The following PCDH17 variants were observed in gnomAD, a reference collection of about 807,000 sequenced individuals.
PCDH17 encodes protocadherin 17.
Under a neutral mutation model 67.7 loss-of-function variants are expected in PCDH17, and 21 were observed. That is an observed-to-expected ratio of 0.31 (90% CI 0.22 to 0.45). The LOEUF is 0.45. Among genes scored for constraint, PCDH17 ranks in the 20% least tolerant of loss-of-function variants. The pLI is 1.00. For missense variants in PCDH17, 1,471 were observed against 1,564.8 expected (o/e 0.94, Z 1.01); for synonymous variants, 701 against 656.7 (o/e 1.07, Z -1.03).
At chr13:57,668,165 A>G (rs1407298386) in intron 3 of PCDH17, among the ~76,000 whole-genome samples, 1 of 151,942 alleles carries the variant, frequency 6.6e-6, no homozygotes, top group East Asian at 1.9e-4. Flanking sequence ...TGTTTACTTG[A>G]CGTGACTTAA....
intron 1 of PCDH17, among the ~76,000 whole-genome samples, chr13:57,651,402 C>T (rs1955036728): frequency 6.8e-6 from 1 of 147,336 alleles, no homozygotes; most frequent in African/African-American, 2.5e-5. Flanking sequence ...CACTTTGTCA[C>T]CCTGGCAGGA....
At chr13:57,689,723 A>G (rs75719552) in intron 3 of PCDH17, among the ~76,000 whole-genome samples, 2 of 152,092 alleles carry the variant, frequency 1.3e-5, no homozygotes, top group East Asian at 3.9e-4. Context: ...TTAGCATTAT[A>G]TTATAAGCAA....
intron 3 of PCDH17, among the ~76,000 whole-genome samples, chr13:57,717,557 A>C (rs1256051833): frequency 6.6e-6 from 1 of 151,958 alleles, no homozygotes; most frequent in Non-Finnish European, 1.5e-5. Context: ...AAACAGCTCC[A>C]AATACCCAGC....
chr13:57,673,407 T>C (rs1955349057), intron 3 of PCDH17, among the ~76,000 whole-genome samples: 1 of 151,990 alleles, frequency 6.6e-6, no homozygotes, highest in Non-Finnish European at 1.5e-5. Context: ...GCTTTTAATA[T>C]TTAACCTAAC....
intron 1 of PCDH17, among the ~76,000 whole-genome samples, chr13:57,661,838 T>A (rs1333148618): frequency 6.6e-6 from 1 of 152,142 alleles, no homozygotes; most frequent in African/African-American, 2.4e-5. Flanking sequence ...GCAGTCTTCA[T>A]TAGTGTGGCT....
chr13:57,697,485 T>G (rs138015194), intron 3 of PCDH17, among the ~76,000 whole-genome samples: 226 of 151,754 alleles, frequency 1.5e-3, no homozygotes, highest in African/African-American at 5.2e-3. Flanking sequence ...TAAATGATGT[T>G]AAGAAGCCAA....
chr13:57,633,070 A>G lies in PCDH17; in HGVS notation c.524A>G (p.Asp175Gly). Residue 175 changes from aspartate (D) to glycine (G), a missense_variant, in exon 1 of 4, where the codon GAT becomes GGT. Asp to Gly is a moderately conservative substitution (Grantham distance 94, BLOSUM62 -1). Around this residue, in one of 3 missense-constraint regions of PCDH17, gnomAD observed 1,163 missense variants for 1,230.0 expected, o/e 0.95. Transcript: ENST00000377918. This position sits in a 1 kb window ranked among gnomAD's most constrained non-coding sequence, Gnocchi z 6.2. ...CGCACCTACCTGCTCACGCGCGACGATCACGGCCTCTTTGGACTGGACGTT... is the reference window on the plus strand; with the variant it reads ...CGCACCTACCTGCTCACGCGCGACGGTCACGGCCTCTTTGGACTGGACGTT... ...GLRTYLLTRD[D>G]HGLFGLDVKS... 1 of 1,613,370 alleles carries G rather than the reference A, an allele frequency of 6.2e-7. No homozygotes were observed. Among genetic ancestry groups the G allele is most frequent in the Non-Finnish European group, 8.5e-7 (1 of 1,179,982 alleles).
At chr13:57,675,667 A>G (rs574102417) in intron 3 of PCDH17, among the ~76,000 whole-genome samples, 5 of 152,084 alleles carry the variant, frequency 3.3e-5, no homozygotes, top group Middle Eastern at 6.8e-3. Flanking sequence ...GAACCAGTGT[A>G]TGGCAAGTTG....
At chr13:57,691,432 T>A (rs953494301) in intron 3 of PCDH17, among the ~76,000 whole-genome samples, 8 of 151,306 alleles carry the variant, frequency 5.3e-5, no homozygotes, top group East Asian at 3.9e-4. Context: ...TAATTTTTTT[T>A]AAATGATGGG....
upstream of PCDH17, among the ~76,000 whole-genome samples, chr13:57,630,690 C>T (rs1417508216): frequency 6.6e-6 from 1 of 152,232 alleles, no homozygotes; most frequent in Non-Finnish European, 1.5e-5. Flanking sequence ...ACCTTCTTCC[C>T]TCCATCCTTT....
chr13:57,677,534 A>C (rs1566232174), intron 3 of PCDH17, among the ~76,000 whole-genome samples: 4 of 151,888 alleles, frequency 2.6e-5, no homozygotes, highest in Admixed American at 2.0e-4. Flanking sequence ...TGATGTATTC[A>C]GAGGAGAATG....
At chr13:57,706,572 G>T (rs1025813572) in intron 3 of PCDH17, among the ~76,000 whole-genome samples, 2 of 152,092 alleles carry the variant, frequency 1.3e-5, no homozygotes, top group African/African-American at 4.8e-5. Flanking sequence ...CAAAATCAAG[G>T]TTTAGCAGAG....
At chr13:57,631,158 G>T (rs1006385580), upstream of PCDH17, among the ~76,000 whole-genome samples, 1 of 151,968 alleles carries the variant, frequency 6.6e-6, no homozygotes, top group African/African-American at 2.4e-5. Flanking sequence ...AAAAAAACAC[G>T]TACTTTATTT....
chr13:57,717,130 T>C (rs1400246218), intron 3 of PCDH17, among the ~76,000 whole-genome samples: 2 of 151,936 alleles, frequency 1.3e-5, no homozygotes, highest in African/African-American at 4.8e-5. Flanking sequence ...AAAAAGATGG[T>C]TCCATTTAGC....
At chr13:57,657,186 G>T (rs767362554) in intron 1 of PCDH17, among the ~76,000 whole-genome samples, 3 of 151,938 alleles carry the variant, frequency 2.0e-5, no homozygotes, top group Non-Finnish European at 4.4e-5. Context: ...ATTACTTTAA[G>T]AAAAAAATCT....
chr13:57,698,516 T>G (rs1955632349), intron 3 of PCDH17, among the ~76,000 whole-genome samples: 1 of 151,926 alleles, frequency 6.6e-6, no homozygotes, highest in Non-Finnish European at 1.5e-5. Flanking sequence ...GATTTTACAA[T>G]ATGGGCACTA....
intron 1 of PCDH17, among the ~76,000 whole-genome samples, chr13:57,664,721 C>T (rs1955228273): frequency 6.6e-6 from 1 of 152,054 alleles, no homozygotes; most frequent in South Asian, 2.1e-4. Flanking sequence ...CAACTGACAG[C>T]AATAATGGAA....
rs1954788030 is a variant in PCDH17, at chr13:57,634,461, G to T, written c.1915G>T (p.Asp639Tyr). The T allele has an allele frequency of 6.2e-7, 1 of 1,612,680 alleles. No homozygotes were observed. The highest frequency in any genetic ancestry group is 8.5e-7 in the Non-Finnish European group (1 of 1,179,936). The change falls in exon 1 of 4, where the codon GAC (aspartate) becomes TAC (tyrosine). Residue 639 changes from aspartate to tyrosine, a missense_variant. Physicochemically the swap from Asp to Tyr is radical, Grantham distance 160. This residue lies in a region of PCDH17 where 1,163 missense variants were observed against 1,230.0 expected (regional missense o/e 0.95). Coordinates refer to ENST00000377918, the MANE Select transcript of PCDH17 (RefSeq NM_001040429.3). This position sits in a 1 kb window ranked among gnomAD's most constrained non-coding sequence, Gnocchi z 7.8. Reference protein sequence around the residue: ...DGNDDHLFEIDPSSGEIRTLH... With the variant: ...DGNDDHLFEIYPSSGEIRTLH... ...CAACGACGACCACCTGTTTGAGATCGACCCGTCCAGCGGCGAGATCCGCAC... is the reference window on the plus strand; with the variant it reads ...CAACGACGACCACCTGTTTGAGATCTACCCGTCCAGCGGCGAGATCCGCAC...
chr13:57,724,372 C>T (rs1280494860), intron 3 of PCDH17, among the ~76,000 whole-genome samples: 1 of 152,198 alleles, frequency 6.6e-6, no homozygotes, highest in South Asian at 2.1e-4. Context: ...ATGGCCACAT[C>T]TTACTTCTTC....
Sources: allele counts gnomAD v4.1 joint callset (sites outside exome capture counted in the v4.1 genomes callset), GRCh38; gene constraint gnomAD v4.1.1; regional missense constraint gnomAD v4.1.1; non-coding constraint Gnocchi (gnomAD v3.1); transcripts MANE v1.5; gene names NCBI Gene and HGNC (gene_info 2026-07-23, HGNC 2026-07-21).